The following ELANE variants were observed in gnomAD, a reference collection of about 807,000 sequenced individuals.
ELANE encodes the protein neutrophil elastase.
ELANE carries 12 observed loss-of-function variants against 20.6 expected under a neutral mutation model. The ratio of observed to expected loss-of-function variants is 0.58; its 90% confidence interval spans 0.37 to 0.94. The LOEUF is 0.94. Among genes scored for constraint, ELANE ranks in the 40% least tolerant of loss-of-function variants. ELANE has a pLI of 0.01. For missense variants in ELANE, 388 were observed against 395.2 expected (o/e 0.98, Z 0.15); for synonymous variants, 203 against 177.4 (o/e 1.14, Z -1.15).
At position 853,256 on chromosome 19, in the gene ELANE, C is replaced by G. The variant is rs777599059; in HGVS notation, c.225-6C>G. On this transcript the variant is annotated splice_polypyrimidine_tract_variant and splice_region_variant and intron_variant, in intron 2 of 4. Coordinates refer to ENST00000263621, the MANE Select transcript of ELANE (RefSeq NM_001972.4). The stretch of plus-strand genomic sequence containing the variant: ...CCCCTGAGCCCCGCCTCTCCCTCCC[C>G]GGCAGAAACGTCCGCGCGGTGCGGG... The G allele has an allele frequency of 1.9e-6, 3 of 1,592,640 alleles. No homozygotes were observed. The highest frequency in any genetic ancestry group is 1.7e-6 in the Non-Finnish European group (2 of 1,170,582).
Position 853,595 on chromosome 19 carries a change from G to T in ELANE, c.366+192G>T, listed in dbSNP as rs17223024. The stretch of plus-strand genomic sequence containing the variant: ...AAATACCCGCCATGGGCCGTTGAGG[G>T]GTTAAATGAGATCCTGCAGGGAGGC... On this transcript the variant is annotated intron_variant, in intron 3 of 4. Coordinates refer to ENST00000263621, the MANE Select transcript of ELANE (RefSeq NM_001972.4). Among the ~76,000 whole-genome samples the T allele has an allele frequency of 0.01, 1,572 of 152,296 alleles. 13 individuals are homozygous for T. Among genetic ancestry groups the T allele is most frequent in the Non-Finnish European group, 0.016 (1,086 of 68,014 alleles).
chr19:855,557 G>T lies in ELANE; in HGVS notation c.367-7G>T. 6 of 1,598,564 alleles carry T rather than the reference G, an allele frequency of 3.8e-6. No homozygotes were observed. Among genetic ancestry groups the T allele is most frequent in the Admixed American group, 1.7e-5 (1 of 59,976 alleles). ...GACGCGCTGACGATCTGTCCCCACCGCCACAGCTCAACGGGTCGGCCACCA... is the reference window on the plus strand; with the variant it reads ...GACGCGCTGACGATCTGTCCCCACCTCCACAGCTCAACGGGTCGGCCACCA... On this transcript the variant is annotated splice_polypyrimidine_tract_variant and splice_region_variant and intron_variant, in intron 3 of 4. Coordinates refer to ENST00000263621, the MANE Select transcript of ELANE (RefSeq NM_001972.4). This position sits in a 1 kb window ranked among gnomAD's most constrained non-coding sequence, Gnocchi z 6.2.
chr19:854,754 T>C (rs1400493856), intron 3 of ELANE, among the ~76,000 whole-genome samples: 2 of 146,466 alleles, frequency 1.4e-5, no homozygotes, highest in Non-Finnish European at 3.0e-5. Flanking sequence ...TATATAATTA[T>C]AAATATCATT....
chr19:853,094 G>C (rs867165533), intron 2 of ELANE, 62 bp downstream of exon 2: 11 of 1,517,108 alleles, frequency 7.3e-6, no homozygotes, highest in Non-Finnish European at 8.8e-6. Context: ...TGAGGTGGGT[G>C]GGGGGAGGCC....
Position 856,037 on chromosome 19 carries a change from G to A in ELANE, c.677G>A (p.Gly226Glu), listed in dbSNP as rs1207078633. ...ASFVRGGCASGLYPDAFAPVA... is the reference protein window; with the variant it reads ...ASFVRGGCASELYPDAFAPVA... The stretch of plus-strand genomic sequence containing the variant: ...TTCGTCCGGGGAGGCTGCGCCTCAG[G>A]GCTCTACCCCGATGCCTTTGCCCCG... The change falls in exon 5 of 5, where the codon GGG (glycine) becomes GAG (glutamate). Residue 226 changes from glycine (G) to glutamate (E), a missense_variant. Coordinates refer to ENST00000263621, the MANE Select transcript of ELANE (RefSeq NM_001972.4). 1 of 1,613,452 alleles carries A rather than the reference G, an allele frequency of 6.2e-7. No individual in the cohort carries two copies. The highest frequency in any genetic ancestry group is 8.5e-7 in the Non-Finnish European group (1 of 1,180,048).
Position 855,367 on chromosome 19 carries a change from G to A in ELANE, c.367-197G>A, listed in dbSNP as rs1599293571. ...CCAGGGACAACCTCCAACGCCCTGA[G>A]CCTTGGTGACGGCTCCCACTCTACA... On this transcript the variant is annotated intron_variant, in intron 3 of 4. Transcript: ENST00000263621. This position sits in a 1 kb window ranked among gnomAD's most constrained non-coding sequence, Gnocchi z 6.2. Among the ~76,000 whole-genome samples, 2 of 152,194 alleles carry A rather than the reference G, an allele frequency of 1.3e-5. No individual in the cohort carries two copies. The highest frequency in any genetic ancestry group is 2.1e-4 in the South Asian group (1 of 4,832).
chr19:853,077 C>T (rs199596513), intron 2 of ELANE, 45 bp downstream of exon 2: 2 of 1,227,694 alleles, frequency 1.6e-6, no homozygotes, highest in East Asian at 5.1e-5. Flanking sequence ...CCCCGCGTCC[C>T]GGTCTGTGAG....
chr19:853,434 G>A (rs1218802143), intron 3 of ELANE, 31 bp downstream of exon 3: 15 of 1,566,900 alleles, frequency 9.6e-6, no homozygotes, highest in African/African-American at 1.4e-5. Context: ...GGGCGCAGGG[G>A]CGGAGGCCAG....
intron 3 of ELANE, 56 bp downstream of exon 3, chr19:853,459 T>G (rs1024650194): frequency 3.3e-6 from 5 of 1,516,696 alleles, no homozygotes; most frequent in Non-Finnish European, 4.5e-6. Context: ...CTGGGGAGGG[T>G]GGAGGCTGCG....
Position 852,911 on chromosome 19 carries a change from C to T in ELANE, c.103C>T (p.Arg35Ter), listed in dbSNP as rs201792358. 2.5e-5 allele frequency: 40 copies of T among 1,596,278 alleles called. No individual in the cohort carries two copies. The highest frequency in any genetic ancestry group is 1.7e-6 in the Non-Finnish European group (2 of 1,177,222). Residue 35 changes from arginine to a stop codon, truncating the protein, a stop_gained, in exon 2 of 5, where the codon CGA becomes TGA. Coordinates refer to ENST00000263621, the MANE Select transcript of ELANE (RefSeq NM_001972.4). LOFTEE classifies it high-confidence loss of function. ...ALASEIVGGR[R>*]ARPHAWPFMV... The stretch of plus-strand genomic sequence containing the variant: ...GGCCTCGGAGATTGTGGGGGGCCGG[C>T]GAGCGCGGCCCCACGCGTGGCCCTT...
chr19:853,309 G>T lies in ELANE; in HGVS notation c.272G>T (p.Arg91Leu). The change falls in exon 3 of 5, where the codon CGG becomes CTG. Residue 91 changes from arginine to leucine, a missense_variant. Arg to Leu is a moderately radical substitution (Grantham distance 102). Coordinates refer to ENST00000263621, the MANE Select transcript of ELANE (RefSeq NM_001972.4). ...RVVLGAHNLS[R>L]REPTRQVFAV... The stretch of plus-strand genomic sequence containing the variant: ...GTCCTGGGAGCCCATAACCTCTCGC[G>T]GCGGGAGCCCACCCGGCAGGTGTTC... 4 of 1,610,904 alleles carry T rather than the reference G, an allele frequency of 2.5e-6. No homozygotes were observed. Among genetic ancestry groups the T allele is most frequent in the Non-Finnish European group, 3.4e-6 (4 of 1,179,042 alleles).
At chr19:853,527 G>T (rs1263024960) in intron 3 of ELANE, 124 bp downstream of exon 3, 29 of 1,172,648 alleles carry the variant, frequency 2.5e-5, no homozygotes, top group Non-Finnish European at 3.4e-5. Flanking sequence ...TGGGCTGGGT[G>T]GTCCCCTCTC....
At position 856,138 on chromosome 19, in the gene ELANE, C is replaced by T; in HGVS notation, c.778C>T (p.Pro260Ser). The change falls in exon 5 of 5, where the codon CCG becomes TCG. Residue 260 changes from proline to serine, a missense_variant. Around this residue, in one of 3 missense-constraint regions of ELANE, gnomAD observed 321 missense variants for 309.8 expected, o/e 1.04. Transcript: ENST00000263621. ...CAACCCCTGTCCCCACCCCCGGGACCCGGACCCGGCCAGCAGGACCCACTG... is the reference window on the plus strand; with the variant it reads ...CAACCCCTGTCCCCACCCCCGGGACTCGGACCCGGCCAGCAGGACCCACTG... ...EDNPCPHPRD[P>S]DPASRTH The T allele has an allele frequency of 1.9e-6, 3 of 1,612,950 alleles. No individual in the cohort carries two copies. The highest frequency in any genetic ancestry group is 2.2e-5 in the South Asian group (2 of 91,090).
At chr19:853,171 C>G (rs1246282536) in intron 2 of ELANE, 91 bp from the exon 3 acceptor site, 13 of 1,493,024 alleles carry the variant, frequency 8.7e-6, no homozygotes, top group Non-Finnish European at 1.2e-5. Flanking sequence ...CACCTTCGCC[C>G]TCAGGCCCGT....
chr19:852,731 G>T lies in ELANE; in HGVS notation c.68-145G>T, dbSNP rs894799581. On this transcript the variant is annotated intron_variant, in intron 1 of 4. Coordinates refer to ENST00000263621, the MANE Select transcript of ELANE (RefSeq NM_001972.4). ...GAACAACAGGGGTGCGAACGGCCCC[G>T]ATCCCGTGGGTTCCCGGTGGGGGAT... is the stretch of plus-strand genomic sequence containing the variant. The T allele has an allele frequency of 5.6e-5, 70 of 1,242,880 alleles. No individual in the cohort carries two copies. In the Admixed American group the frequency reaches 1.5e-3, roughly 26 times the overall value. The allele number at this position is 1,242,880 out of a possible 1,614,324, so 77.0% of individuals were successfully genotyped here.
intron 2 of ELANE, 52 bp downstream of exon 2, chr19:853,084 T>C: frequency 6.7e-7 from 1 of 1,487,982 alleles, no homozygotes; most frequent in Non-Finnish European, 8.9e-7. Context: ...TCCCGGTCTG[T>C]GAGGTGGGTG....
At chr19:854,008 C>T (rs1196796942) in intron 3 of ELANE, among the ~76,000 whole-genome samples, 1 of 151,428 alleles carries the variant, frequency 6.6e-6, no homozygotes, top group African/African-American at 2.4e-5. Flanking sequence ...CCCCGATCTG[C>T]TGTCAATCAA....
At position 853,319 on chromosome 19, in the gene ELANE, C is replaced by T; in HGVS notation, c.282C>T (p.Pro94=). The change falls in exon 3 of 5, where the codon CCC becomes CCT. Residue 94 remains proline, a synonymous_variant. Transcript: ENST00000263621. ...LGAHNLSRRE[P]TRQVFAVQRI... ...CCCATAACCTCTCGCGGCGGGAGCC[C>T]ACCCGGCAGGTGTTCGCCGTGCAGC... 1.2e-6 allele frequency: 2 copies of T among 1,610,946 alleles called. No individual in the cohort carries two copies. Among genetic ancestry groups the T allele is most frequent in the Non-Finnish European group, 1.7e-6 (2 of 1,179,048 alleles).
intron 1 of ELANE, among the ~76,000 whole-genome samples, chr19:852,604 G>A (rs1398381788): frequency 7.4e-6 from 1 of 135,358 alleles, no homozygotes; most frequent in Non-Finnish European, 1.6e-5. Flanking sequence ...AGGGGGGGGG[G>A]GTCGCAGGTC....
Sources: allele counts gnomAD v4.1 joint callset (sites outside exome capture counted in the v4.1 genomes callset), GRCh38; gene constraint gnomAD v4.1.1; regional missense constraint gnomAD v4.1.1; non-coding constraint Gnocchi (gnomAD v3.1); transcripts MANE v1.5; gene names NCBI Gene and HGNC (gene_info 2026-07-23, HGNC 2026-07-21).